RAD9B: variants seen among roughly 807,000 people sequenced by gnomAD.
RAD9B encodes cell cycle checkpoint control protein RAD9B.
RAD9B carries 41 observed loss-of-function variants against 48.3 expected under a neutral mutation model. That is an observed-to-expected ratio of 0.85 (90% CI 0.66 to 1.10). The LOEUF is 1.10. RAD9B is among the 50% of genes least tolerant of loss of function. The pLI is 0.00. For synonymous variants in RAD9B, 160 were observed against 157.9 expected, an observed-to-expected ratio of 1.01 and a Z score of -0.10; for missense variants, 444 against 485.1, an observed-to-expected ratio of 0.92 and a Z score of 0.80.
chr12:110,521,076 A>C (rs558107609), intron 9 of RAD9B, among the ~76,000 whole-genome samples: 14 of 152,266 alleles, frequency 9.2e-5, no homozygotes, highest in African/African-American at 3.4e-4. Context: ...TAATTGCATC[A>C]CCCAGAGATA....
At chr12:110,526,302 A>G (rs956897501) in intron 10 of RAD9B, among the ~76,000 whole-genome samples, 1 of 152,132 alleles carries the variant, frequency 6.6e-6, no homozygotes, top group African/African-American at 2.4e-5. Flanking sequence ...GGGTGTTCTC[A>G]AGCTTCCTCC....
chr12:110,524,358 C>A (rs1172668881), intron 10 of RAD9B, among the ~76,000 whole-genome samples: 3 of 151,686 alleles, frequency 2.0e-5, no homozygotes, highest in Admixed American at 6.6e-5. Flanking sequence ...GTCAGGAGTT[C>A]AAGACCAGCC....
chr12:110,511,515 G>C, intron 4 of RAD9B: 1 of 450,606 alleles, frequency 2.2e-6, no homozygotes, highest in South Asian at 1.6e-5. Context: ...CAATGTGGAC[G>C]CTAAAAAGTT....
chr12:110,522,180 A>C lies in RAD9B; in HGVS notation c.894A>C (p.Ser298=), dbSNP rs1593098663. The change falls in exon 10 of 11, where the codon TCA becomes TCC. Residue 298 remains serine (S), a synonymous_variant. Transcript: ENST00000409300. The part of the protein sequence containing the change: ...SLCLSQKRKR[S]DLIEKKAGKN... Reference sequence around the variant, plus strand: ...TTAATGCCTATTAATACCTCAGGTCAGATCTGATTGAAAAAAAGGCTGGCA... The same window carrying C: ...TTAATGCCTATTAATACCTCAGGTCCGATCTGATTGAAAAAAAGGCTGGCA... 1.3e-6 allele frequency: 2 copies of C among 1,573,162 alleles called. No homozygotes were observed. The highest frequency in any genetic ancestry group is 1.9e-5 in the Admixed American group (1 of 53,274).
Position 110,531,756 on chromosome 12 carries a change from C to A in RAD9B, c.*1103C>A. The A allele has an allele frequency of 1.2e-6, 1 of 861,712 alleles. No homozygotes were observed. Among genetic ancestry groups the A allele is most frequent in the Non-Finnish European group, 1.8e-6 (1 of 555,112 alleles). 53.4% of individuals were successfully genotyped at this position (861,712 alleles called of 1,614,324 possible). A position where few individuals can be genotyped will look rare whatever the true frequency, so the allele number is the denominator to read the frequency against. ...TACCTGCACAAATGGACTAAAAAAT[C>A]TGGCACAAAACATTGTTATGTAATG... On this transcript the variant is annotated 3_prime_UTR_variant, in exon 11 of 11. Transcript: ENST00000409300.
In RAD9B at chr12:110,531,254, G is replaced by A. The variant is rs188601698; in HGVS notation, c.*601G>A. 2.0e-4 allele frequency: 127 copies of A among 637,754 alleles called. 2 individuals are homozygous for A. The East Asian group carries it at 0.011, about 57-fold the overall frequency. The allele number at this position is 637,754 out of a possible 1,614,324, so 39.5% of individuals were successfully genotyped here. ...GTCACTCAGGCTCAAGTGCAGTGGTGCAATCTCTGCTCACTGCAACATCTG... is the reference window on the plus strand; with the variant it reads ...GTCACTCAGGCTCAAGTGCAGTGGTACAATCTCTGCTCACTGCAACATCTG... On this transcript the variant is annotated 3_prime_UTR_variant, in exon 11 of 11. Transcript: ENST00000409300.
chr12:110,522,294 T>G lies in RAD9B; in HGVS notation c.1008T>G (p.Ser336=). 6.2e-7 allele frequency: 1 copy of G among 1,613,560 alleles called. No individual in the cohort carries two copies. The highest frequency in any genetic ancestry group is 1.1e-5 in the South Asian group (1 of 90,902). Reference sequence around the variant, plus strand: ...CTAAGGAGACTCTCACAAACATATCTGCATTGGAAAACTGTGGCAGCCCTG... The same window carrying G: ...CTAAGGAGACTCTCACAAACATATCGGCATTGGAAAACTGTGGCAGCCCTG... ...LYPKETLTNI[S]ALENCGSPAM... Residue 336 remains serine, a synonymous_variant, in exon 10 of 11, where the codon TCT becomes TCG. Transcript: ENST00000409300.
chr12:110,520,209 G>GTTT (rs1202118230), intron 9 of RAD9B, among the ~76,000 whole-genome samples: 2 of 151,972 alleles, frequency 1.3e-5, no homozygotes, highest in African/African-American at 4.8e-5. Context: ...TGTTGTTGTT[G>GTTT]TTGTTGTTAT....
chr12:110,531,748 T>A lies in RAD9B; in HGVS notation c.*1095T>A. The A allele has an allele frequency of 1.1e-6, 1 of 933,970 alleles. No homozygotes were observed. Among genetic ancestry groups the A allele is most frequent in the Non-Finnish European group, 1.6e-6 (1 of 618,760 alleles). The allele number at this position is 933,970 out of a possible 1,614,324, so 57.9% of individuals were successfully genotyped here. ...TAGCTTTTTACCTGCACAAATGGACTAAAAAATCTGGCACAAAACATTGTT... is the reference window on the plus strand; with the variant it reads ...TAGCTTTTTACCTGCACAAATGGACAAAAAAATCTGGCACAAAACATTGTT... On this transcript the variant is annotated 3_prime_UTR_variant, in exon 11 of 11. Transcript: ENST00000409300.
chr12:110,527,490 C>T (rs1370867198), intron 10 of RAD9B, among the ~76,000 whole-genome samples: 1 of 152,166 alleles, frequency 6.6e-6, no homozygotes, highest in Non-Finnish European at 1.5e-5. Flanking sequence ...AGCTGCAAGG[C>T]AAGCCTTGCA....
chr12:110,515,053 G>A lies in RAD9B; in HGVS notation c.492G>A (p.Leu164=), dbSNP rs1378040117. 2 of 1,537,876 alleles carry A rather than the reference G, an allele frequency of 1.3e-6. No individual in the cohort carries two copies. Among genetic ancestry groups the A allele is most frequent in the Non-Finnish European group, 1.8e-6 (2 of 1,134,302 alleles). ...TACTGTTCTTTACATTTTATAGATT[G>A]CTTGCTGATGCCATTGTTCTTTTTA... ...CTNTLMIQPR[L]LADAIVLFTS... is the part of the protein sequence containing the mutation. Residue 164 remains leucine (L), a synonymous_variant, in exon 6 of 11, where the codon TTG becomes TTA. Coordinates refer to ENST00000409300, the MANE Select transcript of RAD9B (RefSeq NM_001286535.2).
At chr12:110,529,409 T>C (rs1465026839) in intron 10 of RAD9B, among the ~76,000 whole-genome samples, 4 of 152,056 alleles carry the variant, frequency 2.6e-5, no homozygotes, top group African/African-American at 9.7e-5. Context: ...CCTCCTAAAG[T>C]GCTGGGATTA....
At chr12:110,519,012 GA>G in intron 8 of RAD9B, 74 bp downstream of exon 8, 1 of 1,006,924 alleles carries the variant, frequency 9.9e-7, no homozygotes. Context: ...GGATCACTTT[GA>G]AATTAATTAA....
chr12:110,502,710 T>G, intron 1 of RAD9B: 1 of 249,118 alleles, frequency 4.0e-6, no homozygotes, highest in African/African-American at 2.2e-5. Flanking sequence ...AGTATTTTTG[T>G]GCCAAGAGAA....
intron 6 of RAD9B, 40 bp from the exon 7 acceptor site, chr12:110,518,636 G>A: frequency 1.4e-6 from 2 of 1,399,068 alleles, no homozygotes; most frequent in South Asian, 2.6e-5. Context: ...TTCATCTCTG[G>A]AACTAATTTT....
chr12:110,528,315 G>A (rs1227558243), intron 10 of RAD9B, among the ~76,000 whole-genome samples: 1 of 152,182 alleles, frequency 6.6e-6, no homozygotes, highest in Non-Finnish European at 1.5e-5. Context: ...GATTGGTTAT[G>A]GGGGTTAAGG....
intron 9 of RAD9B, 44 bp downstream of exon 9, chr12:110,519,960 C>T (rs1293898309): frequency 1.3e-6 from 2 of 1,574,340 alleles, no homozygotes; most frequent in African/African-American, 1.4e-5. Context: ...GACAAGCCAT[C>T]ATAATCTTAT....
At chr12:110,527,418 C>T (rs1176936685) in intron 10 of RAD9B, among the ~76,000 whole-genome samples, 1 of 152,168 alleles carries the variant, frequency 6.6e-6, no homozygotes, top group Non-Finnish European at 1.5e-5. Context: ...ACATGGACCT[C>T]TGGGAACCAT....
intron 10 of RAD9B, among the ~76,000 whole-genome samples, chr12:110,528,946 T>G (rs1565904657): frequency 6.6e-6 from 1 of 152,160 alleles, no homozygotes; most frequent in Non-Finnish European, 1.5e-5. Flanking sequence ...CAGGCTGGTC[T>G]CGAACTCCTG....
Sources: allele counts gnomAD v4.1 joint callset (sites outside exome capture counted in the v4.1 genomes callset), GRCh38; gene constraint gnomAD v4.1.1; transcripts MANE v1.5; gene names NCBI Gene and HGNC (gene_info 2026-07-23, HGNC 2026-07-21).